MITF: variants seen among roughly 807,000 people sequenced by gnomAD.
MITF encodes the protein melanocyte inducing transcription factor, also known as microphthalmia-associated transcription factor.
Under a neutral mutation model 60.5 loss-of-function variants are expected in MITF, and 17 were observed. The observed-to-expected ratio is 0.28, with a 90% CI of 0.19 to 0.42. The LOEUF (loss-of-function observed/expected upper bound fraction) is 0.42. Ranked by LOEUF, MITF falls within the 10% of genes least tolerant of loss-of-function variation. The probability of loss-of-function intolerance (pLI) is 1.00; values close to 1 mark genes in which losing one functional copy is unlikely to be tolerated. For missense variants in MITF, 622 were observed against 683.5 expected, an observed-to-expected ratio of 0.91 and a Z score of 1.00; for synonymous variants, 260 against 248.5, an observed-to-expected ratio of 1.05 and a Z score of -0.43.
At chr3:69,814,364 T>G (rs944273976) in intron 1 of MITF, among the ~76,000 whole-genome samples, 2 of 152,162 alleles carry the variant, frequency 1.3e-5, no homozygotes, top group Non-Finnish European at 2.9e-5. Flanking sequence ...GATCTCATTC[T>G]GTCACCTAGG....
In MITF at chr3:69,848,711, A is replaced by G. The variant is rs904718563; in HGVS notation, c.105-30423A>G. 3.3e-5 allele frequency among the ~76,000 whole-genome samples: 5 copies of G among 152,170 alleles called. 1 individual carries two copies. In the South Asian group the frequency reaches 8.3e-4, roughly 25 times the overall value. On this transcript the variant is annotated intron_variant, in intron 1 of 9. Coordinates refer to ENST00000352241, the MANE Select transcript of MITF (RefSeq NM_001354604.2). ...TGTTGTGAACATGATGGCAATGACA[A>G]TCATGTCACATCTGCTTCGCTCGTG...
chr3:69,936,621 T>C, intron 2 of MITF: 1 of 1,576,108 alleles, frequency 6.3e-7, no homozygotes, highest in Non-Finnish European at 8.6e-7. Context: ...TTGTTTATAG[T>C]ACCTTCTCTT....
At position 69,914,656 on chromosome 3, in the gene MITF, G is replaced by A. The variant is rs77799995; in HGVS notation, c.355-23166G>A. 1.1e-3 allele frequency among the ~76,000 whole-genome samples: 173 copies of A among 152,244 alleles called. 3 individuals are homozygous for A. The East Asian group carries it at 0.025, about 22-fold the overall frequency. Reference sequence around the variant, plus strand: ...CACTGGGCTGATGTCATCATTGTGCGGTGTTGGATGAGTAAGTACTCGAGA... The same window carrying A: ...CACTGGGCTGATGTCATCATTGTGCAGTGTTGGATGAGTAAGTACTCGAGA... On this transcript the variant is annotated intron_variant, in intron 2 of 9. Coordinates refer to ENST00000352241, the MANE Select transcript of MITF (RefSeq NM_001354604.2).
In MITF at chr3:69,941,321, T is replaced by A. The variant is rs1471650575; in HGVS notation, c.752T>A (p.Met251Lys). 2.5e-6 allele frequency: 4 copies of A among 1,609,830 alleles called. No individual in the cohort carries two copies. In the Admixed American group the frequency reaches 6.7e-5, roughly 27 times the overall value. Residue 251 changes from methionine to lysine, a missense_variant, in exon 5 of 10, where the codon ATG becomes AAG. Coordinates refer to ENST00000352241, the MANE Select transcript of MITF (RefSeq NM_001354604.2). ...GGCTTGATGGATCCTGCTTTGCAAATGGCAAATACGGTATTGATAACCTTT... is the reference window on the plus strand; with the variant it reads ...GGCTTGATGGATCCTGCTTTGCAAAAGGCAAATACGGTATTGATAACCTTT... The part of the protein sequence containing the change: ...ILGLMDPALQ[M>K]ANTLPVSGNL...
intron 1 of MITF, among the ~76,000 whole-genome samples, chr3:69,832,373 C>A (rs1273953954): frequency 6.6e-6 from 1 of 152,184 alleles, no homozygotes; most frequent in Admixed American, 6.5e-5. Flanking sequence ...TATGCAGGTT[C>A]TGGCCCTGCC....
intron 5 of MITF, among the ~76,000 whole-genome samples, chr3:69,944,894 T>C (rs529888789): frequency 1.1e-3 from 174 of 151,624 alleles, no homozygotes; most frequent in Middle Eastern, 3.4e-3. Context: ...ATTAACATTT[T>C]AATTTTTTCC....
At chr3:69,917,068 T>C (rs974104631) in intron 2 of MITF, among the ~76,000 whole-genome samples, 2 of 152,136 alleles carry the variant, frequency 1.3e-5, no homozygotes, top group African/African-American at 2.4e-5. Flanking sequence ...ATGGGCAGCA[T>C]ATTAAGTAAC....
chr3:69,800,505 G>T (rs1160108959), intron 1 of MITF, among the ~76,000 whole-genome samples: 1 of 152,084 alleles, frequency 6.6e-6, no homozygotes, highest in African/African-American at 2.4e-5. Flanking sequence ...TCATCACATG[G>T]TATGTTTAAT....
intron 1 of MITF, among the ~76,000 whole-genome samples, chr3:69,878,544 A>G (rs188213859): frequency 3.6e-4 from 55 of 152,262 alleles, no homozygotes; most frequent in African/African-American, 1.3e-3. Context: ...CCCCTTACCC[A>G]AAGAGCGAGG....
At chr3:69,837,549 A>G (rs1015246383) in intron 1 of MITF, among the ~76,000 whole-genome samples, 2 of 152,244 alleles carry the variant, frequency 1.3e-5, no homozygotes, top group Admixed American at 6.5e-5. Flanking sequence ...ATTTCCAATC[A>G]TAAACATTTG....
chr3:69,888,911 C>T (rs2064688766), intron 2 of MITF, among the ~76,000 whole-genome samples: 1 of 150,782 alleles, frequency 6.6e-6, no homozygotes, highest in African/African-American at 2.4e-5. Flanking sequence ...AAAATCCAGG[C>T]TCTTAGAGAT....
intron 1 of MITF, among the ~76,000 whole-genome samples, chr3:69,865,273 A>C (rs762519142): frequency 6.6e-6 from 1 of 152,166 alleles, no homozygotes; most frequent in Non-Finnish European, 1.5e-5. Context: ...TTTACTTTGG[A>C]GATAAATGTA....
At chr3:69,918,244 C>T (rs1361536102) in intron 2 of MITF, among the ~76,000 whole-genome samples, 1 of 151,844 alleles carries the variant, frequency 6.6e-6, no homozygotes, top group Non-Finnish European at 1.5e-5. Context: ...TTTTTGTTTT[C>T]GCCATGTTGG....
chr3:69,868,012 A>G (rs1245913947), intron 1 of MITF, among the ~76,000 whole-genome samples: 1 of 152,196 alleles, frequency 6.6e-6, no homozygotes, highest in Non-Finnish European at 1.5e-5. Context: ...TCCTCTAGGA[A>G]AGAAAAGGAA....
At chr3:69,883,501 T>C (rs1376668158) in intron 2 of MITF, among the ~76,000 whole-genome samples, 3 of 152,170 alleles carry the variant, frequency 2.0e-5, no homozygotes, top group African/African-American at 7.2e-5. Context: ...GAAATCTGCA[T>C]GGAGTAGAAT....
chr3:69,874,044 C>T (rs1194741785), intron 1 of MITF, among the ~76,000 whole-genome samples: 1 of 152,214 alleles, frequency 6.6e-6, no homozygotes, highest in Non-Finnish European at 1.5e-5. Context: ...AGGAGGTTAA[C>T]ACTATTGAAC....
Position 69,965,519 on chromosome 3 carries a change from G to T in MITF, c.*271G>T. On this transcript the variant is annotated 3_prime_UTR_variant, in exon 10 of 10. Coordinates refer to ENST00000352241, the MANE Select transcript of MITF (RefSeq NM_001354604.2). ...TTCACCACAGACTTTAGCTTTCTGA[G>T]CAAGAGGATTTTGCGTCAGAGAAAT... The T allele has an allele frequency of 3.2e-6, 1 of 317,236 alleles. No individual in the cohort carries two copies. The highest frequency in any genetic ancestry group is 5.8e-6 in the Non-Finnish European group (1 of 171,380). The allele number at this position is 317,236 out of a possible 1,614,324, so 19.7% of individuals were successfully genotyped here.
chr3:69,891,931 G>T (rs1434635217), intron 2 of MITF, among the ~76,000 whole-genome samples: 1 of 152,202 alleles, frequency 6.6e-6, no homozygotes, highest in African/African-American at 2.4e-5. Context: ...ATTCTGTCAA[G>T]TCTTGAGGAG....
intron 2 of MITF, among the ~76,000 whole-genome samples, chr3:69,880,693 T>C (rs9842586): frequency 0.017 from 2,582 of 152,178 alleles, 75 homozygotes; most frequent in African/African-American, 0.058. Context: ...TTTTTATAGA[T>C]TTAAGAATTA....
Sources: allele counts gnomAD v4.1 joint callset (sites outside exome capture counted in the v4.1 genomes callset), GRCh38; gene constraint gnomAD v4.1.1; transcripts MANE v1.5; gene names NCBI Gene and HGNC (gene_info 2026-07-23, HGNC 2026-07-21).